The following LYPLAL1 variants were observed in gnomAD, a reference collection of about 807,000 sequenced individuals.
LYPLAL1 encodes lysophospholipase-like protein 1.
In LYPLAL1, 23 loss-of-function variants were observed where a neutral mutation model predicts 19.7. That is an observed-to-expected ratio of 1.17 (90% CI 0.84 to 1.65). The LOEUF is 1.65. Ranked by LOEUF, LYPLAL1 falls within the 40% of genes most tolerant of loss-of-function variation. LYPLAL1 has a pLI of 0.00. For synonymous variants in LYPLAL1, 119 were observed against 96.3 expected, an observed-to-expected ratio of 1.24 and a Z score of -1.38; for missense variants, 355 against 279.4, an observed-to-expected ratio of 1.27 and a Z score of -1.93.
the LYPLAL1 span, among the ~76,000 whole-genome samples, chr1:219,260,701 C>T: frequency 6.7e-6 from 1 of 149,318 alleles, no homozygotes. Flanking sequence ...TACATATATA[C>T]AGACACATGC....
At chr1:219,393,394 A>G in the LYPLAL1 span, among the ~76,000 whole-genome samples, 1 of 151,954 alleles carries the variant, frequency 6.6e-6, no homozygotes, top group Admixed American at 6.6e-5. Context: ...CTCATATGTA[A>G]ACACAGGATC....
chr1:219,186,978 C>T (rs1158969490), intron 2 of LYPLAL1, among the ~76,000 whole-genome samples: 1 of 151,072 alleles, frequency 6.6e-6, no homozygotes, highest in Non-Finnish European at 1.5e-5. Flanking sequence ...TTTCTGATTG[C>T]CATAGGGATT....
the LYPLAL1 span, among the ~76,000 whole-genome samples, chr1:219,389,088 G>A: frequency 2.0e-5 from 3 of 152,128 alleles, no homozygotes; most frequent in African/African-American, 4.8e-5. Flanking sequence ...GGTATAAAAT[G>A]TATTCTCAAA....
the LYPLAL1 span, among the ~76,000 whole-genome samples, chr1:219,292,955 T>C: frequency 6.6e-6 from 1 of 152,136 alleles, no homozygotes; most frequent in African/African-American, 2.4e-5. Flanking sequence ...GTTGTCGATG[T>C]CTTGTTAATA....
chr1:219,241,637 A>G, the LYPLAL1 span, among the ~76,000 whole-genome samples: 1 of 152,174 alleles, frequency 6.6e-6, no homozygotes, highest in Non-Finnish European at 1.5e-5. Context: ...AGAGCTGTCA[A>G]TGGAAGAGAC....
At chr1:219,194,241 G>A (rs919885653) in intron 3 of LYPLAL1, among the ~76,000 whole-genome samples, 4 of 151,768 alleles carry the variant, frequency 2.6e-5, no homozygotes, top group African/African-American at 4.8e-5. Flanking sequence ...CATGTTTAAC[G>A]TTGATGTTTA....
the LYPLAL1 span, among the ~76,000 whole-genome samples, chr1:219,275,057 A>G: frequency 1.8e-4 from 28 of 152,298 alleles, no homozygotes; most frequent in East Asian, 5.2e-3. Flanking sequence ...ATTTTTCTCA[A>G]ATATGGTTTT....
At chr1:219,338,885 C>T in the LYPLAL1 span, among the ~76,000 whole-genome samples, 2 of 150,608 alleles carry the variant, frequency 1.3e-5, no homozygotes, top group Non-Finnish European at 3.0e-5. Flanking sequence ...TAATATATTA[C>T]ATTAATTTTT....
the LYPLAL1 span, among the ~76,000 whole-genome samples, chr1:219,287,705 T>A: frequency 6.6e-6 from 1 of 152,170 alleles, no homozygotes; most frequent in African/African-American, 2.4e-5. Context: ...ACATATTCCT[T>A]ACCATGTGAT....
downstream of LYPLAL1, among the ~76,000 whole-genome samples, chr1:219,214,688 CTTTTT>C (rs11477665): frequency 1.1e-5 from 1 of 90,384 alleles, no homozygotes; most frequent in Non-Finnish European, 2.3e-5. Flanking sequence ...TTTTTCTTTT[CTTTTT>C]TTTTTTTTTT....
chr1:219,225,079 C>G, the LYPLAL1 span, among the ~76,000 whole-genome samples: 3 of 152,090 alleles, frequency 2.0e-5, no homozygotes, highest in Non-Finnish European at 4.4e-5. Flanking sequence ...TTTTTATTCT[C>G]TCTCTGGCTG....
chr1:219,208,913 G>A (rs1376476118), intron 3 of LYPLAL1, among the ~76,000 whole-genome samples: 2 of 152,008 alleles, frequency 1.3e-5, no homozygotes, highest in African/African-American at 4.8e-5. Context: ...ATTTACGTAA[G>A]CTGTTCATAT....
chr1:219,414,828 T>C, the LYPLAL1 span, among the ~76,000 whole-genome samples: 2 of 152,178 alleles, frequency 1.3e-5, no homozygotes, highest in Non-Finnish European at 2.9e-5. Flanking sequence ...CTGAGTATTC[T>C]GAGGGTTCTG....
At chr1:219,295,543 A>G in the LYPLAL1 span, among the ~76,000 whole-genome samples, 2 of 152,202 alleles carry the variant, frequency 1.3e-5, no homozygotes. Context: ...AATATTTGTT[A>G]GCAGAAAATG....
chr1:219,231,974 C>G, the LYPLAL1 span, among the ~76,000 whole-genome samples: 1 of 152,134 alleles, frequency 6.6e-6, no homozygotes, highest in African/African-American at 2.4e-5. Context: ...TCTATGTTCT[C>G]CATGACACAT....
chr1:219,238,772 C>T, the LYPLAL1 span, among the ~76,000 whole-genome samples: 1 of 152,068 alleles, frequency 6.6e-6, no homozygotes, highest in Non-Finnish European at 1.5e-5. Flanking sequence ...ATATAAACCT[C>T]AACTTATTTA....
At chr1:219,366,535 TA>T in the LYPLAL1 span, among the ~76,000 whole-genome samples, 2 of 152,210 alleles carry the variant, frequency 1.3e-5, no homozygotes, top group Non-Finnish European at 2.9e-5. Context: ...GGATCCAGGC[TA>T]AAGAGATGAC....
chr1:219,303,800 G>A, the LYPLAL1 span, among the ~76,000 whole-genome samples: 1 of 152,116 alleles, frequency 6.6e-6, no homozygotes, highest in Non-Finnish European at 1.5e-5. Context: ...TGGCAGACAG[G>A]TGTGAATGAC....
chr1:219,208,922 A>G (rs758396352), intron 3 of LYPLAL1, among the ~76,000 whole-genome samples: 1 of 152,146 alleles, frequency 6.6e-6, no homozygotes, highest in Non-Finnish European at 1.5e-5. Context: ...AGCTGTTCAT[A>G]TCTAAATGGG....
Sources: allele counts gnomAD v4.1 joint callset (sites outside exome capture counted in the v4.1 genomes callset), GRCh38; gene constraint gnomAD v4.1.1; transcripts MANE v1.5; gene names NCBI Gene and HGNC (gene_info 2026-07-23, HGNC 2026-07-21).